Variants in HDAC9 observed in about 807,000 individuals in gnomAD.
The protein encoded by HDAC9 is histone deacetylase 9.
Under a neutral mutation model 139.4 loss-of-function variants are expected in HDAC9, and 41 were observed. That is an observed-to-expected ratio of 0.29 (90% CI 0.23 to 0.38). The LOEUF is 0.38. Among genes scored for constraint, HDAC9 ranks in the 10% least tolerant of loss-of-function variants. The pLI is 1.00. For synonymous variants in HDAC9, 517 were observed against 476.2 expected (o/e 1.09, Z -1.12); for missense variants, 1,147 against 1,297.0 (o/e 0.88, Z 1.78).
intron 1 of HDAC9, among the ~76,000 whole-genome samples, chr7:18,301,544 C>A (rs1275193411): frequency 6.6e-6 from 1 of 151,996 alleles, no homozygotes; most frequent in Non-Finnish European, 1.5e-5. Context: ...TACTTTCTTT[C>A]TTATTACTAT....
At chr7:18,835,419 C>G (rs747418129) in intron 19 of HDAC9, 48 bp from the exon 20 acceptor site, 3 of 1,557,320 alleles carry the variant, frequency 1.9e-6, no homozygotes, top group South Asian at 1.2e-5. Flanking sequence ...TGTCTCCACA[C>G]AAAGTTAGAC....
chr7:18,567,268 G>C (rs1261457168), intron 2 of HDAC9, among the ~76,000 whole-genome samples: 3 of 152,032 alleles, frequency 2.0e-5, no homozygotes, highest in African/African-American at 7.3e-5. Flanking sequence ...GGGGTTCTAT[G>C]GCTATACTTC....
chr7:18,556,323 C>A (rs1369883695), intron 2 of HDAC9, among the ~76,000 whole-genome samples: 1 of 152,018 alleles, frequency 6.6e-6, no homozygotes, highest in Non-Finnish European at 1.5e-5. Flanking sequence ...CTTAATATTA[C>A]TTTTTATTAA....
chr7:18,893,438 G>C (rs1043952461), intron 22 of HDAC9, among the ~76,000 whole-genome samples: 2 of 152,170 alleles, frequency 1.3e-5, no homozygotes, highest in African/African-American at 4.8e-5. Context: ...GGCATCTAGT[G>C]CTGGAGCTAC....
At chr7:18,977,674 T>C (rs950656240) in intron 25 of HDAC9, among the ~76,000 whole-genome samples, 1 of 152,146 alleles carries the variant, frequency 6.6e-6, no homozygotes, top group Non-Finnish European at 1.5e-5. Context: ...ATGTGAATGT[T>C]CTGATGTGCA....
At chr7:18,391,381 TC>T (rs573338311) in intron 1 of HDAC9, among the ~76,000 whole-genome samples, 56 of 144,188 alleles carry the variant, frequency 3.9e-4, no homozygotes, top group Admixed American at 7.7e-4. Flanking sequence ...CGAGACGCCA[TC>T]CCCCCCCCAA....
rs199881173 is a variant in HDAC9 at position 18,261,148 on chromosome 7, A to T, written c.25+98799A>T. Among the ~76,000 whole-genome samples, 441 of 58,898 alleles carry T rather than the reference A, an allele frequency of 7.5e-3. 2 individuals carry two copies. Among genetic ancestry groups the T allele is most frequent in the African/African-American group, 0.014 (405 of 28,244 alleles). The allele number at this position is 58,898 out of a possible 152,430, so 38.6% of individuals were successfully genotyped here. ...CGAAACCATGTCTTTACAAAAAATT[A>T]AAAAAAAAAATTGGGTGTGCATGGT... On this transcript the variant is annotated intron_variant, in intron 2 of 12. Transcript: ENST00000417496.
chr7:18,917,254 C>T (rs985388639), intron 22 of HDAC9, among the ~76,000 whole-genome samples: 1 of 151,908 alleles, frequency 6.6e-6, no homozygotes, highest in South Asian at 2.1e-4. Context: ...AGGGAGAACT[C>T]AGGATCAAGC....
intron 17 of HDAC9, among the ~76,000 whole-genome samples, chr7:18,824,886 A>AATG (rs1425613753): frequency 2.9e-3 from 440 of 152,344 alleles, no homozygotes; most frequent in African/African-American, 1.0e-2. Flanking sequence ...ATGCATTCAG[A>AATG]TATAACTGCA....
intron 1 of HDAC9, among the ~76,000 whole-genome samples, chr7:18,337,900 T>G (rs1359914699): frequency 2.0e-5 from 3 of 151,774 alleles, no homozygotes; most frequent in Middle Eastern, 3.4e-3. Context: ...TCTTTGGACT[T>G]CAGTTTTCTC....
At chr7:18,732,928 T>TGTGC (rs1554339633) in intron 13 of HDAC9, among the ~76,000 whole-genome samples, 7 of 122,914 alleles carry the variant, frequency 5.7e-5, no homozygotes, top group East Asian at 3.0e-4. Context: ...TACACACGTG[T>TGTGC]GTATGTATGT....
chr7:18,516,527 A>G (rs1803242832), intron 2 of HDAC9, among the ~76,000 whole-genome samples: 1 of 152,152 alleles, frequency 6.6e-6, no homozygotes, highest in African/African-American at 2.4e-5. Context: ...TGAGAACCCC[A>G]GAGGATGTTC....
intron 1 of HDAC9, among the ~76,000 whole-genome samples, chr7:18,121,277 G>A (rs1459044212): frequency 6.6e-6 from 1 of 152,104 alleles, no homozygotes; most frequent in African/African-American, 2.4e-5. Flanking sequence ...AGTATTTTGG[G>A]ACTTGCACAT....
chr7:18,732,793 T>TGTGCGCGTATGTGTACACACACGTGTGTA (rs1786310756), intron 13 of HDAC9, among the ~76,000 whole-genome samples: 1 of 45,586 alleles, frequency 2.2e-5, no homozygotes, highest in Non-Finnish European at 3.6e-5. Flanking sequence ...ACACGTGTGT[T>TGTGCGCGTATGTGTACACACACGTGTGTA]TGTGTGCGTA....
intron 7 of HDAC9, among the ~76,000 whole-genome samples, chr7:18,630,201 C>G (rs528878528): frequency 1.3e-5 from 2 of 151,996 alleles, no homozygotes; most frequent in Admixed American, 1.3e-4. Context: ...CTTCTACTTA[C>G]TACTGTTTTT....
chr7:18,091,131 A>G (rs981978029), intron 1 of HDAC9, among the ~76,000 whole-genome samples: 1 of 152,228 alleles, frequency 6.6e-6, no homozygotes, highest in African/African-American at 2.4e-5. Flanking sequence ...CATTAAGCTA[A>G]TATGTATATT....
intron 1 of HDAC9, among the ~76,000 whole-genome samples, chr7:18,141,901 G>A (rs1785924729): frequency 6.6e-6 from 1 of 152,084 alleles, no homozygotes; most frequent in Non-Finnish European, 1.5e-5. Flanking sequence ...ATATTTTAGG[G>A]AAAGCAGAGT....
chr7:18,640,335 G>A (rs992214814), intron 8 of HDAC9, among the ~76,000 whole-genome samples: 7 of 140,986 alleles, frequency 5.0e-5, no homozygotes, highest in South Asian at 2.3e-4. Context: ...TGCAGCCTGG[G>A]CGACAGAGCA....
At chr7:18,360,711 T>C (rs1339045084) in intron 1 of HDAC9, among the ~76,000 whole-genome samples, 1 of 152,220 alleles carries the variant, frequency 6.6e-6, no homozygotes, top group Admixed American at 6.5e-5. Flanking sequence ...CATTTCAAAA[T>C]TATTATGTAG....
Sources: allele counts gnomAD v4.1 joint callset (sites outside exome capture counted in the v4.1 genomes callset), GRCh38; gene constraint gnomAD v4.1.1; transcripts MANE v1.5; gene names NCBI Gene and HGNC (gene_info 2026-07-23, HGNC 2026-07-21).